GPC5: variants seen among roughly 807,000 people sequenced by gnomAD.
GPC5 encodes the protein glypican 5.
In GPC5, 47 loss-of-function variants were observed where a neutral mutation model predicts 53.9. The observed-to-expected ratio is 0.87, with a 90% CI of 0.69 to 1.11. The LOEUF is 1.11. GPC5 is among the 50% of genes most tolerant of loss of function. GPC5 has a pLI of 0.00. For synonymous variants in GPC5, 286 were observed against 263.3 expected, an observed-to-expected ratio of 1.09 and a Z score of -0.84; for missense variants, 748 against 713.1, an observed-to-expected ratio of 1.05 and a Z score of -0.56.
chr13:91,790,452 TTA>T (rs2037946554), intron 5 of GPC5, among the ~76,000 whole-genome samples: 1 of 152,214 alleles, frequency 6.6e-6, no homozygotes, highest in African/African-American at 2.4e-5. Context: ...GCAGCCATGT[TTA>T]TGTTTCTAGT....
chr13:92,719,735 A>G (rs1888450493), intron 7 of GPC5, among the ~76,000 whole-genome samples: 2 of 152,134 alleles, frequency 1.3e-5, no homozygotes, highest in Admixed American at 6.6e-5. Flanking sequence ...CCAATTTGCC[A>G]TAAATCAACG....
chr13:92,280,353 A>G (rs902557426), intron 7 of GPC5, among the ~76,000 whole-genome samples: 1 of 152,084 alleles, frequency 6.6e-6, no homozygotes, highest in Non-Finnish European at 1.5e-5. Context: ...TCTTTGATTT[A>G]TCTCTTCTCT....
At chr13:91,653,988 C>G (rs1175691437) in intron 2 of GPC5, among the ~76,000 whole-genome samples, 1 of 152,138 alleles carries the variant, frequency 6.6e-6, no homozygotes, top group Non-Finnish European at 1.5e-5. Context: ...ATCTTCACAT[C>G]CCTGCCCCCC....
rs558801476 is a variant in GPC5 at position 92,861,759 on chromosome 13, A to G, written c.1562-4523A>G. On this transcript the variant is annotated intron_variant, in intron 7 of 7. Transcript: ENST00000377067. Reference sequence around the variant, plus strand: ...TTCTTTTTATAGATTCTGACTTAAAATATGTAGGCTTTACTCAACTGTATA... The same window carrying G: ...TTCTTTTTATAGATTCTGACTTAAAGTATGTAGGCTTTACTCAACTGTATA... Among the ~76,000 whole-genome samples the G allele has an allele frequency of 3.9e-5, 6 of 152,322 alleles. No individual in the cohort carries two copies. In the South Asian group the frequency reaches 1.0e-3, roughly 26 times the overall value.
chr13:91,463,273 T>A (rs571105341), intron 2 of GPC5, among the ~76,000 whole-genome samples: 1 of 152,176 alleles, frequency 6.6e-6, no homozygotes, highest in African/African-American at 2.4e-5. Context: ...TGTGGCAAAT[T>A]CAAGTTTTGC....
chr13:91,494,851 A>C (rs1219237542), intron 2 of GPC5, among the ~76,000 whole-genome samples: 3 of 152,128 alleles, frequency 2.0e-5, no homozygotes, highest in African/African-American at 7.2e-5. Flanking sequence ...TCTAAACTGT[A>C]CCAGGGTTCA....
intron 2 of GPC5, among the ~76,000 whole-genome samples, chr13:91,449,981 G>A (rs933620887): frequency 6.6e-6 from 1 of 152,030 alleles, no homozygotes; most frequent in Non-Finnish European, 1.5e-5. Context: ...GTACATTAAT[G>A]TCAATCTATT....
intron 7 of GPC5, among the ~76,000 whole-genome samples, chr13:92,460,708 C>G (rs1365495895): frequency 3.3e-5 from 5 of 152,078 alleles, no homozygotes; most frequent in African/African-American, 1.2e-4. Context: ...TGAACTCAGT[C>G]CTGAAGGCTG....
chr13:92,211,140 T>C (rs920747069), intron 7 of GPC5, among the ~76,000 whole-genome samples: 24 of 152,202 alleles, frequency 1.6e-4, no homozygotes, highest in African/African-American at 5.8e-4. Flanking sequence ...TATTTATTTA[T>C]GAGGAAAAGC....
intron 2 of GPC5, among the ~76,000 whole-genome samples, chr13:91,610,109 C>G (rs1054560545): frequency 6.6e-6 from 1 of 152,156 alleles, no homozygotes; most frequent in Non-Finnish European, 1.5e-5. Context: ...TTTTGGTATA[C>G]TCATTAATGT....
intron 6 of GPC5, chr13:91,995,111 A>C (rs938567875): frequency 6.6e-6 from 1 of 152,134 alleles, no homozygotes; most frequent in African/African-American, 2.4e-5. Flanking sequence ...AGCTGCGACT[A>C]CAGGCGCCCA....
At chr13:92,234,654 G>A (rs1461050140) in intron 7 of GPC5, among the ~76,000 whole-genome samples, 4 of 152,080 alleles carry the variant, frequency 2.6e-5, no homozygotes. Context: ...ACTAGTAGAA[G>A]ATAAGGGTTA....
At chr13:91,711,256 C>G (rs1277413895) in intron 3 of GPC5, among the ~76,000 whole-genome samples, 1 of 152,032 alleles carries the variant, frequency 6.6e-6, no homozygotes, top group African/African-American at 2.4e-5. Context: ...ACATATACAC[C>G]ACGGAATACT....
At chr13:91,644,610 T>A (rs73607976) in intron 2 of GPC5, among the ~76,000 whole-genome samples, 11,184 of 152,176 alleles carry the variant, frequency 0.073, 1,376 homozygotes, top group African/African-American at 0.26. Flanking sequence ...CCTGTTACCC[T>A]TTGTAACAGG....
intron 2 of GPC5, among the ~76,000 whole-genome samples, chr13:91,575,243 T>C (rs1468476836): frequency 6.6e-6 from 1 of 152,184 alleles, no homozygotes; most frequent in Non-Finnish European, 1.5e-5. Context: ...AAAAATAGTT[T>C]CATTTTCTTT....
At chr13:92,138,143 T>C (rs1220080649) in intron 6 of GPC5, among the ~76,000 whole-genome samples, 1 of 152,166 alleles carries the variant, frequency 6.6e-6, no homozygotes, top group Non-Finnish European at 1.5e-5. Context: ...CAGCTATTCA[T>C]GTATGTGGTA....
intron 6 of GPC5, among the ~76,000 whole-genome samples, chr13:91,962,747 C>T (rs1436092027): frequency 6.6e-6 from 1 of 152,040 alleles, no homozygotes; most frequent in Non-Finnish European, 1.5e-5. Context: ...TGGGAGTTCT[C>T]TATTAACCAT....
At chr13:91,815,974 T>C (rs1216568979) in intron 5 of GPC5, among the ~76,000 whole-genome samples, 1 of 152,150 alleles carries the variant, frequency 6.6e-6, no homozygotes, top group African/African-American at 2.4e-5. Flanking sequence ...TATTTGATTA[T>C]GTTAGGAGAG....
intron 6 of GPC5, among the ~76,000 whole-genome samples, chr13:92,050,595 A>C (rs558451370): frequency 2.0e-5 from 3 of 152,338 alleles, no homozygotes; most frequent in Non-Finnish European, 2.9e-5. Flanking sequence ...CAGTGGGAAG[A>C]CAGGAGCAAA....
Sources: gnomAD v4.1 joint callset for allele counts (sites outside exome capture counted in the v4.1 genomes callset) on GRCh38, gnomAD v4.1.1 for gene constraint, MANE v1.5 for transcripts, NCBI Gene and HGNC (gene_info 2026-07-23, HGNC 2026-07-21) for gene names.